Variants in ALK observed in about 807,000 individuals in gnomAD.
ALK encodes the protein ALK receptor tyrosine kinase, also known as ALK tyrosine kinase receptor.
A neutral mutation model predicts 163.1 loss-of-function variants in ALK; 74 were observed. The observed-to-expected ratio is 0.45, with a 90% CI of 0.38 to 0.55. The LOEUF (loss-of-function observed/expected upper bound fraction) is 0.55. Ranked by LOEUF, ALK falls within the 20% of genes least tolerant of loss-of-function variation. The pLI is 0.00. For synonymous variants in ALK, 960 were observed against 843.2 expected, an observed-to-expected ratio of 1.14 and a Z score of -2.40; for missense variants, 2,063 against 2,105.3, an observed-to-expected ratio of 0.98 and a Z score of 0.39.
Position 29,474,269 on chromosome 2 carries a change from A to G in ALK, c.1154+57646T>C, listed in dbSNP as rs189504729. On this transcript the variant is annotated intron_variant, in intron 4 of 28. Coordinates refer to ENST00000389048, the MANE Select transcript of ALK (RefSeq NM_004304.5). ...TCAAATAAAGTTACACAAAATTTAA[A>G]AACAGGAAAATCTAATCTATAGGGA... Among the ~76,000 whole-genome samples, 829 of 152,354 alleles carry G rather than the reference A, an allele frequency of 5.4e-3. 6 individuals carry two copies. The highest frequency in any genetic ancestry group is 5.0e-3 in the South Asian group (24 of 4,828).
At chr2:29,339,553 C>A (rs564829185) in intron 5 of ALK, among the ~76,000 whole-genome samples, 1 of 152,290 alleles carries the variant, frequency 6.6e-6, no homozygotes, top group South Asian at 2.1e-4. Flanking sequence ...TGAAAAAAAT[C>A]TAAGTCTTTA....
chr2:29,360,392 T>C (rs1245055602), intron 5 of ALK, among the ~76,000 whole-genome samples: 1 of 152,236 alleles, frequency 6.6e-6, no homozygotes, highest in Non-Finnish European at 1.5e-5. Context: ...AATCCTCTCC[T>C]GTCCCTGGTC....
chr2:29,712,584 T>C lies in ALK; in HGVS notation c.787+4994A>G, dbSNP rs749082365. ...ATCCTATACAGAGCCAGAGGTCCTT[T>C]GTGTTTTCCATTTTTGATTCTGTGT... On this transcript the variant is annotated intron_variant, in intron 2 of 28. Coordinates refer to ENST00000389048, the MANE Select transcript of ALK (RefSeq NM_004304.5). 6.9e-4 allele frequency among the ~76,000 whole-genome samples: 105 copies of C among 152,200 alleles called. 1 individual carries two copies. The highest frequency in any genetic ancestry group is 1.5e-3 in the Non-Finnish European group (101 of 68,020).
In ALK at chr2:29,302,683, T is replaced by C. The variant is rs556245932; in HGVS notation, c.1648-5626A>G. On this transcript the variant is annotated intron_variant, in intron 8 of 28. Coordinates refer to ENST00000389048, the MANE Select transcript of ALK (RefSeq NM_004304.5). ...TAGATGCAAAAGGCCTGGAATAAGATTGCAAACTGGCAGTCAGTGAATGGC... is the reference window on the plus strand; with the variant it reads ...TAGATGCAAAAGGCCTGGAATAAGACTGCAAACTGGCAGTCAGTGAATGGC... 8.5e-5 allele frequency among the ~76,000 whole-genome samples: 13 copies of C among 152,328 alleles called. No homozygotes were observed. The East Asian group carries it at 1.4e-3, about 16-fold the overall frequency.
intron 1 of ALK, among the ~76,000 whole-genome samples, chr2:29,733,119 A>G (rs1679792328): frequency 6.6e-6 from 1 of 152,174 alleles, no homozygotes; most frequent in Admixed American, 6.5e-5. Flanking sequence ...GACACCCAAG[A>G]GGAAGATACA....
rs564450720 is a variant in ALK, at chr2:29,227,508, G to A, written c.2914+66C>T. ...ATCCTGGATACAGGTCAGAGACTCT[G>A]AGGTTTTAGCTTGGTGGGAGGACTG... On this transcript the variant is annotated intron_variant, in intron 17 of 28. Transcript: ENST00000389048. This position sits in a 1 kb window ranked among gnomAD's most constrained non-coding sequence, Gnocchi z 4.4. The A allele has an allele frequency of 2.4e-4, 325 of 1,344,782 alleles. 1 individual carries two copies. Among genetic ancestry groups the A allele is most frequent in the Non-Finnish European group, 3.2e-4 (301 of 934,146 alleles). The allele number at this position is 1,344,782 out of a possible 1,614,324, so 83.3% of individuals were successfully genotyped here.
intron 3 of ALK, among the ~76,000 whole-genome samples, chr2:29,603,112 G>A (rs527564462): frequency 8.7e-4 from 133 of 152,316 alleles, no homozygotes; most frequent in Non-Finnish European, 1.7e-3. Flanking sequence ...AGAAAGGCAC[G>A]TCTGGGTTAA....
At chr2:29,288,682 G>A (rs540847308) in intron 9 of ALK, among the ~76,000 whole-genome samples, 3 of 152,252 alleles carry the variant, frequency 2.0e-5, no homozygotes, top group African/African-American at 7.2e-5. Context: ...TGGGTGCGGT[G>A]GCTCATGCCT....
chr2:29,636,796 T>A (rs561401116), intron 3 of ALK, among the ~76,000 whole-genome samples: 1 of 152,154 alleles, frequency 6.6e-6, no homozygotes. Context: ...TAAAGGCACA[T>A]TGTATCAAAA....
In ALK at chr2:29,448,890, T is replaced by C. The variant is rs73923631; in HGVS notation, c.1155-65031A>G. 5.3e-3 allele frequency among the ~76,000 whole-genome samples: 806 copies of C among 152,330 alleles called. 5 individuals are homozygous for C. The highest frequency in any genetic ancestry group is 0.018 in the African/African-American group (757 of 41,582). ...CTCCTTCAGTTTCTGGTTTAAACCC[T>C]GTCCATGAAGGGGATCTCGCTGCTT... On this transcript the variant is annotated intron_variant, in intron 4 of 28. Transcript: ENST00000389048.
At chr2:29,595,319 A>ATTTTT (rs10641464) in intron 3 of ALK, among the ~76,000 whole-genome samples, 20 of 123,962 alleles carry the variant, frequency 1.6e-4, no homozygotes, top group South Asian at 5.3e-4. Flanking sequence ...GTCTTACTGG[A>ATTTTT]TTTTTTTTTT....
intron 28 of ALK, among the ~76,000 whole-genome samples, chr2:29,196,109 G>T (rs1669017438): frequency 6.6e-6 from 1 of 152,178 alleles, no homozygotes; most frequent in African/African-American, 2.4e-5. Context: ...AGGAATGGGA[G>T]AGGGATCTGT....
At chr2:29,703,880 G>C (rs1263084583) in intron 2 of ALK, among the ~76,000 whole-genome samples, 2 of 152,134 alleles carry the variant, frequency 1.3e-5, no homozygotes, top group Admixed American at 6.5e-5. Context: ...ACTGATTAAT[G>C]AGTCCTTCAC....
In ALK at chr2:29,717,632, G is replaced by C; in HGVS notation, c.733C>G (p.Leu245Val). Residue 245 changes from leucine (L) to valine (V), a missense_variant, in exon 2 of 29, where the codon CTC becomes GTC. Physicochemically the swap from Leu to Val is conservative, Grantham distance 32 (BLOSUM62 1). Around this residue, in one of 5 missense-constraint regions of ALK, gnomAD observed 987 missense variants for 939.5 expected, o/e 1.05. Transcript: ENST00000389048. ...SPSPDYFTWN[L>V]TWIMKDSFPF... ...AAGGAGTCTTTCATTATCCAGGTGA[G>C]ATTCCATGTAAAATAATCAGGAGAA... 4 of 1,613,996 alleles carry C rather than the reference G, an allele frequency of 2.5e-6. No homozygotes were observed. The highest frequency in any genetic ancestry group is 3.4e-6 in the Non-Finnish European group (4 of 1,179,868).
intron 4 of ALK, among the ~76,000 whole-genome samples, chr2:29,411,743 C>T (rs1669729619): frequency 6.6e-6 from 1 of 152,174 alleles, no homozygotes; most frequent in Non-Finnish European, 1.5e-5. Flanking sequence ...GTTCCAACAA[C>T]TCATTAGTCA....
rs1667946087 is a variant in ALK, at chr2:29,920,034, C to T, written c.626G>A (p.Arg209His). 1.2e-6 allele frequency: 2 copies of T among 1,614,142 alleles called. No individual in the cohort carries two copies. The highest frequency in any genetic ancestry group is 1.3e-5 in the African/African-American group (1 of 75,078). The change falls in exon 1 of 29, where the codon CGC becomes CAC. Residue 209 changes from arginine to histidine, a missense_variant. By Grantham distance (29) the Arg-to-His change is conservative. Coordinates refer to ENST00000389048, the MANE Select transcript of ALK (RefSeq NM_004304.5). ...GAAGAGAAGGCGGGGCTGGGAGGCGCGAATTGCCGCGGACAGCCTTCCCTC... is the reference window on the plus strand; with the variant it reads ...GAAGAGAAGGCGGGGCTGGGAGGCGTGAATTGCCGCGGACAGCCTTCCCTC... ...GREGRLSAAI[R>H]ASQPRLLFQI...
At chr2:29,910,098 G>T (rs1667663031) in intron 1 of ALK, among the ~76,000 whole-genome samples, 1 of 151,882 alleles carries the variant, frequency 6.6e-6, no homozygotes, top group Non-Finnish European at 1.5e-5. Flanking sequence ...ACTATAATTA[G>T]TGGAAAGGAA....
intron 5 of ALK, among the ~76,000 whole-genome samples, chr2:29,350,554 G>T (rs938521842): frequency 2.0e-5 from 3 of 152,102 alleles, no homozygotes; most frequent in African/African-American, 7.2e-5. Flanking sequence ...GGCTCTCAGG[G>T]GCCTTCTAGG....
intron 3 of ALK, among the ~76,000 whole-genome samples, chr2:29,539,860 C>T (rs1673367004): frequency 6.6e-6 from 1 of 152,158 alleles, no homozygotes; most frequent in South Asian, 2.1e-4. Flanking sequence ...CTTACAACAA[C>T]AACTGGGTAA....
Sources: allele counts gnomAD v4.1 joint callset (sites outside exome capture counted in the v4.1 genomes callset), GRCh38; gene constraint gnomAD v4.1.1; regional missense constraint gnomAD v4.1.1; non-coding constraint Gnocchi (gnomAD v3.1); transcripts MANE v1.5; gene names NCBI Gene and HGNC (gene_info 2026-07-23, HGNC 2026-07-21).